The following CSMD1 variants were observed in gnomAD, a reference collection of about 807,000 sequenced individuals.
CSMD1 encodes the protein CUB and Sushi multiple domains 1.
CSMD1 carries 213 observed loss-of-function variants against 417.5 expected under a neutral mutation model. The ratio of observed to expected loss-of-function variants is 0.51; its 90% CI spans 0.46 to 0.57. The LOEUF is 0.57. Among genes scored for constraint, CSMD1 ranks in the 20% least tolerant of loss-of-function variants. The pLI, the probability that CSMD1 is intolerant of heterozygous loss-of-function variation, is 0.00. For synonymous variants in CSMD1, 2,862 were observed against 1,736.8 expected (o/e 1.65, Z -16.11); for missense variants, 6,923 against 4,529.7 (o/e 1.53, Z -15.17).
At chr8:4,636,169 G>A (rs988850853) in intron 2 of CSMD1, among the ~76,000 whole-genome samples, 1 of 151,902 alleles carries the variant, frequency 6.6e-6, no homozygotes. Flanking sequence ...ATTACTGTTG[G>A]CATTAACATC....
rs73494476 is a variant in CSMD1, at chr8:3,068,779, C to G, written c.7475-16132G>C. On this transcript the variant is annotated intron_variant, in intron 49 of 69. Transcript: ENST00000635120. Reference sequence around the variant, plus strand: ...CACTATCATGAAGACAGCAATAAGTCGTGAGGGATCCACCCCCATGATCCA... The same window carrying G: ...CACTATCATGAAGACAGCAATAAGTGGTGAGGGATCCACCCCCATGATCCA... Among the ~76,000 whole-genome samples, 1,263 of 152,194 alleles carry G rather than the reference C, an allele frequency of 8.3e-3. 16 individuals are homozygous for G. Among genetic ancestry groups the G allele is most frequent in the African/African-American group, 0.029 (1,188 of 41,520 alleles).
intron 1 of CSMD1, among the ~76,000 whole-genome samples, chr8:4,940,172 T>C (rs917524564): frequency 2.6e-5 from 4 of 152,096 alleles, no homozygotes; most frequent in South Asian, 2.1e-4. Flanking sequence ...AAGCAAGATA[T>C]TGACTGACCT....
intron 2 of CSMD1, among the ~76,000 whole-genome samples, chr8:4,463,822 G>A (rs1314875010): frequency 1.3e-5 from 2 of 152,122 alleles, no homozygotes; most frequent in East Asian, 3.9e-4. Context: ...TAACTGTGGT[G>A]ATGAATGCAT....
At chr8:4,554,568 C>G (rs1526333) in intron 2 of CSMD1, among the ~76,000 whole-genome samples, 95,652 of 152,030 alleles carry the variant, frequency 0.63, 30,299 homozygotes, top group Admixed American at 0.7. Flanking sequence ...AAGTTAAGAG[C>G]GAAGCTGTAT....
At chr8:4,520,827 C>A (rs1051004009) in intron 2 of CSMD1, among the ~76,000 whole-genome samples, 1 of 152,048 alleles carries the variant, frequency 6.6e-6, no homozygotes, top group African/African-American at 2.4e-5. Flanking sequence ...GTAAGTATAA[C>A]GTATATACCA....
At chr8:4,745,340 G>A (rs180935272) in intron 1 of CSMD1, among the ~76,000 whole-genome samples, 1 of 152,116 alleles carries the variant, frequency 6.6e-6, no homozygotes, top group Non-Finnish European at 1.5e-5. Flanking sequence ...AGAAAGAAAT[G>A]CTATACAGTT....
At chr8:4,920,523 A>G (rs1241382078) in intron 1 of CSMD1, among the ~76,000 whole-genome samples, 1 of 152,178 alleles carries the variant, frequency 6.6e-6, no homozygotes, top group African/African-American at 2.4e-5. Flanking sequence ...ACCTGTCCTC[A>G]GAAATTACAA....
chr8:3,357,264 G>C (rs183621532), intron 21 of CSMD1, among the ~76,000 whole-genome samples: 2 of 152,240 alleles, frequency 1.3e-5, no homozygotes, highest in Admixed American at 6.5e-5. Flanking sequence ...CAGTGCGGTG[G>C]TTAAAGGCTG....
At chr8:4,197,914 C>G (rs895253198) in intron 3 of CSMD1, among the ~76,000 whole-genome samples, 2 of 152,138 alleles carry the variant, frequency 1.3e-5, no homozygotes, top group African/African-American at 2.4e-5. Flanking sequence ...TCCATTTCAT[C>G]TATTCATTCA....
chr8:3,749,713 G>T (rs148042479), intron 6 of CSMD1, among the ~76,000 whole-genome samples: 7 of 152,106 alleles, frequency 4.6e-5, no homozygotes, highest in Non-Finnish European at 8.8e-5. Flanking sequence ...TCATATAAAC[G>T]AATCATACGG....
Position 3,873,907 on chromosome 8 carries a change from C to A in CSMD1, c.819-119865G>T, listed in dbSNP as rs115310554. 5.7e-3 allele frequency among the ~76,000 whole-genome samples: 874 copies of A among 152,226 alleles called. 7 individuals are homozygous for A. Among genetic ancestry groups the A allele is most frequent in the African/African-American group, 0.02 (848 of 41,554 alleles). On this transcript the variant is annotated intron_variant, in intron 5 of 69. Transcript: ENST00000635120. ...GGCTGAACTGGGGGAGGTCACTGAT[C>A]TTGGAGACAACTAGATCTGACTTTG...
At chr8:4,813,319 A>G (rs771768688) in intron 1 of CSMD1, among the ~76,000 whole-genome samples, 2 of 152,176 alleles carry the variant, frequency 1.3e-5, no homozygotes, top group Admixed American at 6.5e-5. Flanking sequence ...CGGGGCTGTG[A>G]TGAGAAATAA....
intron 2 of CSMD1, among the ~76,000 whole-genome samples, chr8:4,632,124 T>C (rs548710952): frequency 6.6e-5 from 10 of 152,346 alleles, no homozygotes; most frequent in Admixed American, 6.5e-4. Flanking sequence ...TGACTCACAT[T>C]CATTTAGGAG....
intron 3 of CSMD1, among the ~76,000 whole-genome samples, chr8:4,149,100 A>G (rs1175999660): frequency 6.6e-6 from 1 of 151,970 alleles, no homozygotes; most frequent in Non-Finnish European, 1.5e-5. Flanking sequence ...AGTAGCTGGG[A>G]TTACAGGCGT....
At chr8:3,845,027 T>C (rs1196316879) in intron 5 of CSMD1, among the ~76,000 whole-genome samples, 2 of 152,192 alleles carry the variant, frequency 1.3e-5, no homozygotes, top group Non-Finnish European at 2.9e-5. Flanking sequence ...TGATGTATAA[T>C]TTTATAACAC....
intron 5 of CSMD1, among the ~76,000 whole-genome samples, chr8:3,761,298 A>G (rs1009415196): frequency 2.0e-5 from 3 of 152,214 alleles, no homozygotes; most frequent in African/African-American, 7.2e-5. Flanking sequence ...ACACAAATAT[A>G]TATGTACACA....
At chr8:4,720,372 A>T (rs975353531) in intron 1 of CSMD1, among the ~76,000 whole-genome samples, 4 of 152,132 alleles carry the variant, frequency 2.6e-5, no homozygotes, top group South Asian at 2.1e-4. Context: ...AAAATATGAC[A>T]AACTATATTA....
intron 41 of CSMD1, among the ~76,000 whole-genome samples, chr8:3,133,619 G>A (rs751980726): frequency 1.3e-4 from 20 of 152,174 alleles, no homozygotes; most frequent in Non-Finnish European, 2.2e-4. Flanking sequence ...CTGCAGTCAG[G>A]AGGGGCGGGC....
At chr8:3,815,759 A>G (rs1801335239) in intron 5 of CSMD1, among the ~76,000 whole-genome samples, 1 of 152,112 alleles carries the variant, frequency 6.6e-6, no homozygotes, top group Admixed American at 6.6e-5. Context: ...AAAGTCATAA[A>G]ACCACATTGT....
Sources: gnomAD v4.1 joint callset for allele counts (sites outside exome capture counted in the v4.1 genomes callset) on GRCh38, gnomAD v4.1.1 for gene constraint, MANE v1.5 for transcripts, NCBI Gene and HGNC (gene_info 2026-07-23, HGNC 2026-07-21) for gene names.